The following BRINP2 variants were observed in gnomAD, a reference collection of about 807,000 sequenced individuals.
BRINP2 encodes BMP/retinoic acid-inducible neural-specific protein 2.
Under a neutral mutation model 69.2 loss-of-function variants are expected in BRINP2, and 21 were observed. The observed-to-expected ratio is 0.30, with a 90% CI of 0.22 to 0.44. The LOEUF is 0.44. Ranked by LOEUF, BRINP2 falls within the 20% of genes least tolerant of loss-of-function variation. BRINP2 has a pLI of 1.00. For missense variants in BRINP2, 877 were observed against 986.0 expected (o/e 0.89, Z 1.48); for synonymous variants, 380 against 394.1 (o/e 0.96, Z 0.42).
At chr1:177,173,184 T>C (rs985689097) in intron 1 of BRINP2, among the ~76,000 whole-genome samples, 1 of 152,224 alleles carries the variant, frequency 6.6e-6, no homozygotes, top group Admixed American at 6.5e-5. Context: ...TAAGTTGCTT[T>C]GCAGCACTGA....
chr1:177,193,604 C>T (rs1435484779), intron 1 of BRINP2, among the ~76,000 whole-genome samples: 1 of 152,172 alleles, frequency 6.6e-6, no homozygotes, highest in Non-Finnish European at 1.5e-5. Flanking sequence ...TTGTACCTGT[C>T]TCTCTTAGCA....
chr1:177,257,655 G>T (rs896278988), intron 4 of BRINP2, among the ~76,000 whole-genome samples: 4 of 152,182 alleles, frequency 2.6e-5, no homozygotes, highest in African/African-American at 7.2e-5. Flanking sequence ...TTGCACTCTG[G>T]TGGAGGATGG....
At chr1:177,259,700 C>A (rs575016804) in intron 4 of BRINP2, among the ~76,000 whole-genome samples, 71 of 152,308 alleles carry the variant, frequency 4.7e-4, no homozygotes, top group African/African-American at 1.7e-3. Flanking sequence ...TATGCTGAAT[C>A]TCCTCTGCCA....
intron 4 of BRINP2, among the ~76,000 whole-genome samples, chr1:177,267,508 A>G (rs193268373): frequency 6.6e-6 from 1 of 152,324 alleles, no homozygotes; most frequent in Non-Finnish European, 1.5e-5. Flanking sequence ...GGCAGAGATC[A>G]CTACTTTGTT....
At chr1:177,221,694 A>G (rs1379681799) in intron 1 of BRINP2, among the ~76,000 whole-genome samples, 1 of 151,902 alleles carries the variant, frequency 6.6e-6, no homozygotes, top group Non-Finnish European at 1.5e-5. Context: ...ACATACACAC[A>G]CTACCACATG....
chr1:177,249,060 T>C (rs1650494616), intron 2 of BRINP2, among the ~76,000 whole-genome samples: 1 of 152,196 alleles, frequency 6.6e-6, no homozygotes, highest in Admixed American at 6.5e-5. Context: ...ACTAGTGTTA[T>C]GCAATTTGGG....
chr1:177,216,413 A>T (rs1490654962), intron 1 of BRINP2, among the ~76,000 whole-genome samples: 1 of 152,024 alleles, frequency 6.6e-6, no homozygotes, highest in African/African-American at 2.4e-5. Flanking sequence ...TATGTTTTTG[A>T]TGTCTGAATT....
At chr1:177,211,017 A>G (rs978174841) in intron 1 of BRINP2, among the ~76,000 whole-genome samples, 2 of 149,508 alleles carry the variant, frequency 1.3e-5, no homozygotes, top group African/African-American at 2.4e-5. Flanking sequence ...TATTATGTAC[A>G]TGTATATATA....
intron 1 of BRINP2, among the ~76,000 whole-genome samples, chr1:177,174,058 A>G (rs1187663550): frequency 2.6e-5 from 4 of 152,170 alleles, no homozygotes; most frequent in Admixed American, 2.6e-4. Context: ...TAATCCTCAC[A>G]CGGCTTATTG....
chr1:177,274,359 T>G (rs1651428322), intron 5 of BRINP2, among the ~76,000 whole-genome samples: 1 of 152,220 alleles, frequency 6.6e-6, no homozygotes, highest in African/African-American at 2.4e-5. Flanking sequence ...GTACTCTGTT[T>G]AAGATATTAT....
intron 4 of BRINP2, among the ~76,000 whole-genome samples, chr1:177,271,983 C>G (rs974649285): frequency 2.0e-5 from 3 of 152,166 alleles, no homozygotes; most frequent in Non-Finnish European, 4.4e-5. Context: ...CCTAGGTCTA[C>G]TAAACTCCCT....
At chr1:177,187,470 T>G (rs574047166) in intron 1 of BRINP2, among the ~76,000 whole-genome samples, 1 of 152,212 alleles carries the variant, frequency 6.6e-6, no homozygotes. Flanking sequence ...CCAAAATGGG[T>G]CCTTCTTATG....
chr1:177,235,027 G>A (rs1184777271), intron 2 of BRINP2, among the ~76,000 whole-genome samples: 2 of 152,316 alleles, frequency 1.3e-5, no homozygotes, highest in South Asian at 2.1e-4. Context: ...TAGCTTAGAC[G>A]TGAAGGAAGT....
chr1:177,218,393 G>C (rs1649436660), intron 1 of BRINP2, among the ~76,000 whole-genome samples: 1 of 152,182 alleles, frequency 6.6e-6, no homozygotes, highest in Non-Finnish European at 1.5e-5. Flanking sequence ...CACACCCACA[G>C]ATACCTCTGA....
At chr1:177,207,730 G>A (rs1336547585) in intron 1 of BRINP2, among the ~76,000 whole-genome samples, 3 of 152,104 alleles carry the variant, frequency 2.0e-5, no homozygotes, top group Admixed American at 6.5e-5. Flanking sequence ...TGGCTACATT[G>A]GTTACAGTTT....
intron 2 of BRINP2, among the ~76,000 whole-genome samples, chr1:177,251,601 TAGA>T (rs1333034693): frequency 6.6e-6 from 1 of 152,162 alleles, no homozygotes; most frequent in East Asian, 1.9e-4. Context: ...GTTAATAGCA[TAGA>T]AGGAGGGCCA....
intron 2 of BRINP2, among the ~76,000 whole-genome samples, chr1:177,236,700 G>C (rs1268636760): frequency 6.6e-6 from 1 of 152,188 alleles, no homozygotes; most frequent in Non-Finnish European, 1.5e-5. Flanking sequence ...ACTCCAGGTG[G>C]AGGCTTGTGG....
chr1:177,277,042 A>G (rs1426151806), intron 6 of BRINP2, among the ~76,000 whole-genome samples: 2 of 152,232 alleles, frequency 1.3e-5, no homozygotes, highest in Non-Finnish European at 2.9e-5. Context: ...TGCTCAATGT[A>G]TAAAGAACTC....
chr1:177,267,526 A>G (rs757892040), intron 4 of BRINP2, among the ~76,000 whole-genome samples: 1 of 152,206 alleles, frequency 6.6e-6, no homozygotes, highest in Non-Finnish European at 1.5e-5. Flanking sequence ...GTTCATCGCC[A>G]TGTCCTCGGT....
Sources: gnomAD v4.1 joint callset for allele counts (sites outside exome capture counted in the v4.1 genomes callset) on GRCh38, gnomAD v4.1.1 for gene constraint, MANE v1.5 for transcripts, NCBI Gene and HGNC (gene_info 2026-07-23, HGNC 2026-07-21) for gene names.